The following CNKSR3 variants were observed in gnomAD, a reference collection of about 807,000 sequenced individuals.
CNKSR3 encodes the protein connector enhancer of kinase suppressor of ras 3.
In CNKSR3, 36 loss-of-function variants were observed where a neutral mutation model predicts 67.7. The observed-to-expected ratio is 0.53, with a 90% CI of 0.41 to 0.70. The LOEUF (loss-of-function observed/expected upper bound fraction) is 0.70. Among genes scored for constraint, CNKSR3 ranks in the 30% least tolerant of loss-of-function variants. The probability of loss-of-function intolerance (pLI) is 0.00; values close to 1 mark genes in which losing one functional copy is unlikely to be tolerated. For missense variants in CNKSR3, 630 were observed against 695.2 expected, an observed-to-expected ratio of 0.91 and a Z score of 1.05; for synonymous variants, 281 against 271.4, an observed-to-expected ratio of 1.04 and a Z score of -0.35.
chr6:154,509,624 G>A (rs952692780), intron 1 of CNKSR3, among the ~76,000 whole-genome samples: 1 of 152,124 alleles, frequency 6.6e-6, no homozygotes, highest in African/African-American at 2.4e-5. Context: ...TCACGCCTGC[G>A]GACGGCTCTG....
At chr6:154,477,540 C>G (rs1249472134) in intron 1 of CNKSR3, among the ~76,000 whole-genome samples, 1 of 151,598 alleles carries the variant, frequency 6.6e-6, no homozygotes, top group African/African-American at 2.4e-5. Context: ...AGGCTGGTCT[C>G]GAACTCCTGA....
At chr6:154,406,868 G>A (rs558514039) in intron 12 of CNKSR3, among the ~76,000 whole-genome samples, 2 of 151,538 alleles carry the variant, frequency 1.3e-5, no homozygotes, top group Non-Finnish European at 2.9e-5. Flanking sequence ...TCAGAGAAAC[G>A]TTTGAACCCG....
intron 4 of CNKSR3, among the ~76,000 whole-genome samples, chr6:154,435,844 C>G (rs72995427): frequency 0.027 from 4,099 of 152,360 alleles, 88 homozygotes; most frequent in Non-Finnish European, 0.044. Context: ...GGTTTAACTT[C>G]TCTGAGCCTT....
chr6:154,441,072 G>C (rs1050684178), intron 4 of CNKSR3, among the ~76,000 whole-genome samples: 12 of 151,666 alleles, frequency 7.9e-5, no homozygotes, highest in Admixed American at 1.3e-4. Context: ...CACACAAAAA[G>C]GTAATCTTTA....
rs56872694 is a variant in CNKSR3 at position 154,448,434 on chromosome 6, C to CAA, written c.216+1659_216+1660dup. Among the ~76,000 whole-genome samples the CAA allele has an allele frequency of 8.0e-3, 975 of 121,630 alleles. 9 individuals are homozygous for CAA. The highest frequency in any genetic ancestry group is 0.022 in the Middle Eastern group (5 of 224). The allele number at this position is 121,630 out of a possible 152,430, so 79.8% of individuals were successfully genotyped here. A position where few individuals can be genotyped will look rare whatever the true frequency, so the allele number is the denominator to read the frequency against. ...AAAAGTAAACTCAAACACGTTTGTA[C>CAA]AAAAAAAAAAAAAAAAGAAAATACA... is the stretch of plus-strand genomic sequence containing the variant. On this transcript the variant is annotated intron_variant, in intron 2 of 12. Transcript: ENST00000607772.
At chr6:154,451,316 A>G (rs1335532453) in intron 1 of CNKSR3, among the ~76,000 whole-genome samples, 1 of 152,260 alleles carries the variant, frequency 6.6e-6, no homozygotes, top group Non-Finnish European at 1.5e-5. Context: ...GATCTATTGA[A>G]GCCTAATAAT....
At chr6:154,495,785 G>A (rs147438189) in intron 1 of CNKSR3, among the ~76,000 whole-genome samples, 2 of 152,098 alleles carry the variant, frequency 1.3e-5, no homozygotes, top group Admixed American at 6.6e-5. Context: ...CCAGGGCGCA[G>A]AGTACTCCTG....
chr6:154,495,629 C>G (rs190089359), intron 1 of CNKSR3, among the ~76,000 whole-genome samples: 131 of 152,020 alleles, frequency 8.6e-4, no homozygotes, highest in South Asian at 3.1e-3. Flanking sequence ...CCTGCCTCAG[C>G]CTCTCAAAGT....
rs1026622506 is a variant in CNKSR3, at chr6:154,458,128, G to A, written c.53-7870C>T. Among the ~76,000 whole-genome samples, 9 of 152,294 alleles carry A rather than the reference G, an allele frequency of 5.9e-5. No homozygotes were observed. In the East Asian group the frequency reaches 1.2e-3, roughly 20 times the overall value. On this transcript the variant is annotated intron_variant, in intron 1 of 12. Transcript: ENST00000607772. ...AGAGTTGAATAGCTGTGATAGAGACGTATGGCTCTCCCACAGAGCCTAAAA... is the reference window on the plus strand; with the variant it reads ...AGAGTTGAATAGCTGTGATAGAGACATATGGCTCTCCCACAGAGCCTAAAA...
intron 1 of CNKSR3, among the ~76,000 whole-genome samples, chr6:154,464,575 C>T (rs1244754728): frequency 2.0e-5 from 3 of 150,080 alleles, no homozygotes; most frequent in Non-Finnish European, 3.0e-5. Context: ...ATTAGCCATG[C>T]GTTGTGGTTG....
rs1009034468 is a variant in CNKSR3, at chr6:154,390,599, A to T, written c.*15755T>A. 2 of 152,140 alleles carry T rather than the reference A, an allele frequency of 1.3e-5. No individual in the cohort carries two copies. Among genetic ancestry groups the T allele is most frequent in the Non-Finnish European group, 2.9e-5 (2 of 68,042 alleles). 9.4% of individuals were successfully genotyped at this position (152,140 alleles called of 1,614,324 possible). Reference sequence around the variant, plus strand: ...TTCACTGAGTGGGACACAATTGCCTAGTGCCCCGTTGTGTCTCTGTTTGGC... The same window carrying T: ...TTCACTGAGTGGGACACAATTGCCTTGTGCCCCGTTGTGTCTCTGTTTGGC... On this transcript the variant is annotated 3_prime_UTR_variant, in exon 13 of 13. Coordinates refer to ENST00000607772, the MANE Select transcript of CNKSR3 (RefSeq NM_173515.4).
chr6:154,466,608 A>C (rs998819495), intron 1 of CNKSR3, among the ~76,000 whole-genome samples: 4 of 151,858 alleles, frequency 2.6e-5, no homozygotes, highest in Admixed American at 6.6e-5. Context: ...ATTGTCCTCC[A>C]ATTGCTTTTT....
chr6:154,454,130 G>A (rs1418776997), intron 1 of CNKSR3, among the ~76,000 whole-genome samples: 1 of 143,196 alleles, frequency 7.0e-6, no homozygotes, highest in African/African-American at 2.6e-5. Context: ...GAGAGAGAGA[G>A]AGAGAGAGAG....
intron 1 of CNKSR3, among the ~76,000 whole-genome samples, chr6:154,481,306 T>A (rs1057387268): frequency 2.6e-5 from 4 of 152,226 alleles, no homozygotes; most frequent in African/African-American, 9.6e-5. Context: ...ATTTATTTAC[T>A]TATTTATGCT....
intron 9 of CNKSR3, among the ~76,000 whole-genome samples, chr6:154,422,182 C>T (rs1785159455): frequency 6.6e-6 from 1 of 151,854 alleles, no homozygotes; most frequent in Non-Finnish European, 1.5e-5. Flanking sequence ...TTAGTAGAGA[C>T]GGGGTTTCAC....
intron 4 of CNKSR3, among the ~76,000 whole-genome samples, chr6:154,435,021 G>A (rs1325016097): frequency 7.5e-6 from 1 of 132,488 alleles, no homozygotes; most frequent in Non-Finnish European, 1.6e-5. Flanking sequence ...TTTAGACAAG[G>A]TCTCACTCTC....
At chr6:154,442,453 T>C (rs1246809215) in intron 2 of CNKSR3, among the ~76,000 whole-genome samples, 163 bp from the exon 3 acceptor site, 1 of 152,044 alleles carries the variant, frequency 6.6e-6, no homozygotes, top group Non-Finnish European at 1.5e-5. Flanking sequence ...AAACCCCGTC[T>C]CTACTAAAAA....
chr6:154,435,013 T>A (rs1288523022), intron 4 of CNKSR3, among the ~76,000 whole-genome samples: 1 of 151,098 alleles, frequency 6.6e-6, no homozygotes, highest in East Asian at 1.9e-4. Flanking sequence ...TTTTTTTTTT[T>A]AGACAAGGTC....
intron 2 of CNKSR3, among the ~76,000 whole-genome samples, chr6:154,443,004 T>G (rs1254365344): frequency 6.6e-6 from 1 of 152,122 alleles, no homozygotes; most frequent in African/African-American, 2.4e-5. Flanking sequence ...TTCAAGTGAA[T>G]CTCCTGCCTC....
Sources: gnomAD v4.1 joint callset for allele counts (sites outside exome capture counted in the v4.1 genomes callset) on GRCh38, gnomAD v4.1.1 for gene constraint, MANE v1.5 for transcripts, NCBI Gene and HGNC (gene_info 2026-07-23, HGNC 2026-07-21) for gene names.